BLTP3A: variants seen among roughly 807,000 people sequenced by gnomAD.
BLTP3A encodes the protein ICBP90 binding protein 1.
chr6:34,868,176 G>C, the BLTP3A span, among the ~76,000 whole-genome samples: 2 of 151,834 alleles, frequency 1.3e-5, no homozygotes, highest in African/African-American at 2.4e-5. Context: ...CGTGGTGGCG[G>C]GTGCCTGTAA....
chr6:34,798,999 T>TGCCA, the BLTP3A span, among the ~76,000 whole-genome samples: 1 of 152,238 alleles, frequency 6.6e-6, no homozygotes, highest in East Asian at 1.9e-4. Flanking sequence ...TGGAGTGCAG[T>TGCCA]GCCATGATCT....
At chr6:34,864,078 A>G in the BLTP3A span, 3 of 1,613,766 alleles carry the variant, frequency 1.9e-6, no homozygotes, top group South Asian at 2.2e-5. Context: ...ATTTTTCTCC[A>G]TGAAGAGGAC....
chr6:34,839,689 T>G, the BLTP3A span, among the ~76,000 whole-genome samples: 6 of 152,210 alleles, frequency 3.9e-5, no homozygotes, highest in Admixed American at 3.3e-4. Context: ...GTACTTTTAT[T>G]TAGCAGCTCT....
chr6:34,872,488 T>C, the BLTP3A span: 1 of 1,571,762 alleles, frequency 6.4e-7, no homozygotes, highest in Non-Finnish European at 8.6e-7. Context: ...TCACCAGCAA[T>C]AGCACCACCT....
the BLTP3A span, chr6:34,871,064 C>T: frequency 3.9e-4 from 623 of 1,614,108 alleles, no homozygotes; most frequent in African/African-American, 5.3e-3. Flanking sequence ...GAGGAGATCC[C>T]GGTGGTAGTC....
the BLTP3A span, chr6:34,874,795 CTT>C: frequency 6.6e-6 from 1 of 152,190 alleles, no homozygotes; most frequent in African/African-American, 2.4e-5. Flanking sequence ...GAGAACAGCA[CTT>C]TATACAAAAC....
At chr6:34,851,923 T>C in the BLTP3A span, among the ~76,000 whole-genome samples, 1 of 152,148 alleles carries the variant, frequency 6.6e-6, no homozygotes, top group African/African-American at 2.4e-5. Flanking sequence ...CCACAGCAAG[T>C]ACTGCCTGGC....
the BLTP3A span, among the ~76,000 whole-genome samples, chr6:34,850,102 C>G: frequency 5.1e-3 from 753 of 148,836 alleles, 2 homozygotes; most frequent in Middle Eastern, 0.01. Flanking sequence ...AAGATCGTGC[C>G]ACTGCACTCC....
chr6:34,840,410 A>G, the BLTP3A span, among the ~76,000 whole-genome samples: 1 of 139,884 alleles, frequency 7.1e-6, no homozygotes, highest in African/African-American at 2.7e-5. Flanking sequence ...AAAAAAAAAT[A>G]CAAAAATTAG....
At chr6:34,799,387 G>T in the BLTP3A span, among the ~76,000 whole-genome samples, 1 of 152,060 alleles carries the variant, frequency 6.6e-6, no homozygotes, top group Non-Finnish European at 1.5e-5. Context: ...CTACTTGGGA[G>T]GCTGAAGCAG....
chr6:34,810,444 G>A, the BLTP3A span, among the ~76,000 whole-genome samples: 2 of 152,312 alleles, frequency 1.3e-5, no homozygotes, highest in East Asian at 3.9e-4. Flanking sequence ...CATTATCACA[G>A]CAGTATAGCG....
chr6:34,862,445 C>T, the BLTP3A span, among the ~76,000 whole-genome samples: 1 of 152,124 alleles, frequency 6.6e-6, no homozygotes, highest in Non-Finnish European at 1.5e-5. Flanking sequence ...ATGCTACAAA[C>T]ATTTTTAAAG....
At chr6:34,877,154 T>G in the BLTP3A span, 1 of 152,660 alleles carries the variant, frequency 6.6e-6, no homozygotes, top group African/African-American at 2.4e-5. Flanking sequence ...TAAGATACTT[T>G]CAGTATCTAA....
chr6:34,859,676 A>G, the BLTP3A span: 5 of 1,514,290 alleles, frequency 3.3e-6, no homozygotes, highest in East Asian at 4.5e-5. Context: ...GGGAAGTACC[A>G]TATAGTCCAG....
chr6:34,811,727 T>G, the BLTP3A span, among the ~76,000 whole-genome samples: 6 of 137,910 alleles, frequency 4.4e-5, no homozygotes, highest in Non-Finnish European at 9.3e-5. Flanking sequence ...GGCATGGTGA[T>G]GCAGGCCTGT....
At chr6:34,859,588 C>T in the BLTP3A span, 3 of 1,611,372 alleles carry the variant, frequency 1.9e-6, no homozygotes, top group Middle Eastern at 1.7e-4. Context: ...GGCTCTGTAC[C>T]TCCTTCACTC....
At chr6:34,800,073 A>C in the BLTP3A span, among the ~76,000 whole-genome samples, 1 of 151,746 alleles carries the variant, frequency 6.6e-6, no homozygotes, top group Non-Finnish European at 1.5e-5. Flanking sequence ...GTTCCTATTT[A>C]TCTTTTTTTT....
the BLTP3A span, among the ~76,000 whole-genome samples, chr6:34,833,411 AT>A: frequency 0.42 from 61,855 of 146,442 alleles, 13,937 homozygotes; most frequent in African/African-American, 0.63. Context: ...ATCATTGAAG[AT>A]TTTTTTTTTT....
the BLTP3A span, among the ~76,000 whole-genome samples, chr6:34,818,205 A>G: frequency 6.6e-6 from 1 of 152,186 alleles, no homozygotes; most frequent in Non-Finnish European, 1.5e-5. Flanking sequence ...ACAATGGCTC[A>G]CATCTGTAAT....
Sources: allele counts gnomAD v4.1 joint callset (sites outside exome capture counted in the v4.1 genomes callset), GRCh38; gene constraint gnomAD v4.1.1; transcripts MANE v1.5; gene names NCBI Gene and HGNC (gene_info 2026-07-23, HGNC 2026-07-21).